The following CADPS2 variants were observed in gnomAD, a reference collection of about 807,000 sequenced individuals.
CADPS2 encodes calcium dependent secretion activator 2.
In CADPS2, 93 loss-of-function variants were observed where a neutral mutation model predicts 172.5. The ratio of observed to expected loss-of-function variants is 0.54; its 90% CI spans 0.46 to 0.64. The LOEUF (loss-of-function observed/expected upper bound fraction) is 0.64. CADPS2 is among the 30% of genes least tolerant of loss of function. The pLI is 0.00. For synonymous variants in CADPS2, 546 were observed against 555.2 expected (o/e 0.98, Z 0.23); for missense variants, 1,420 against 1,565.9 (o/e 0.91, Z 1.57).
At chr7:122,731,170 A>C (rs1475601369) in intron 2 of CADPS2, among the ~76,000 whole-genome samples, 1 of 151,732 alleles carries the variant, frequency 6.6e-6, no homozygotes, top group East Asian at 1.9e-4. Context: ...CCAAAGTAGA[A>C]CATAAACAAA....
At chr7:122,762,258 G>C (rs2093413840) in intron 1 of CADPS2, among the ~76,000 whole-genome samples, 1 of 151,970 alleles carries the variant, frequency 6.6e-6, no homozygotes, top group Admixed American at 6.6e-5. Flanking sequence ...CAGAGAACAA[G>C]CTGGGCGGCA....
At chr7:122,630,631 G>T (rs946164793) in intron 3 of CADPS2, among the ~76,000 whole-genome samples, 1 of 152,134 alleles carries the variant, frequency 6.6e-6, no homozygotes, top group Non-Finnish European at 1.5e-5. Flanking sequence ...GATATGATCA[G>T]ATGTAAGCTT....
intron 1 of CADPS2, among the ~76,000 whole-genome samples, chr7:122,805,295 G>A (rs1189978411): frequency 6.6e-6 from 1 of 152,130 alleles, no homozygotes; most frequent in Non-Finnish European, 1.5e-5. Flanking sequence ...TAGTAGCTGG[G>A]ACTACAGGCA....
At chr7:122,674,598 T>C (rs2082213718) in intron 2 of CADPS2, among the ~76,000 whole-genome samples, 1 of 152,266 alleles carries the variant, frequency 6.6e-6, no homozygotes, top group African/African-American at 2.4e-5. Flanking sequence ...GTAAGTCTGC[T>C]CAGCTGTCTA....
intron 14 of CADPS2, among the ~76,000 whole-genome samples, chr7:122,468,423 T>C (rs994459858): frequency 2.6e-5 from 4 of 152,194 alleles, no homozygotes; most frequent in African/African-American, 9.6e-5. Context: ...AATATTCCAT[T>C]AACAAAGAAA....
At position 122,693,261 on chromosome 7, in the gene CADPS2, T is replaced by C. The variant is rs370413712; in HGVS notation, c.454-29692A>G. ...TTCCATTTCAAATATCATTTCCTTC[T>C]TTAAGTGTTCCCTAATTATCACTCC... On this transcript the variant is annotated intron_variant, in intron 2 of 29. Coordinates refer to ENST00000449022, the MANE Select transcript of CADPS2 (RefSeq NM_017954.11). Among the ~76,000 whole-genome samples, 252 of 152,348 alleles carry C rather than the reference T, an allele frequency of 1.7e-3. 1 individual carries two copies. The highest frequency in any genetic ancestry group is 2.6e-3 in the Non-Finnish European group (175 of 68,024).
At chr7:122,631,719 AG>A (rs2076593703) in intron 3 of CADPS2, among the ~76,000 whole-genome samples, 1 of 150,768 alleles carries the variant, frequency 6.6e-6, no homozygotes, top group South Asian at 2.1e-4. Flanking sequence ...TCAGATTTGG[AG>A]GGGGTACAGT....
At chr7:122,854,219 G>A (rs1338650003) in intron 1 of CADPS2, among the ~76,000 whole-genome samples, 1 of 152,046 alleles carries the variant, frequency 6.6e-6, no homozygotes, top group Non-Finnish European at 1.5e-5. Context: ...AATTGGCCAA[G>A]AGTGGTGGGT....
intron 1 of CADPS2, among the ~76,000 whole-genome samples, chr7:122,871,815 C>G (rs34824430): frequency 0.21 from 31,565 of 151,978 alleles, 3,510 homozygotes; most frequent in Middle Eastern, 0.28. Context: ...CATGGACCAT[C>G]CTAGTTTTCT....
chr7:122,842,992 A>C (rs1183494561), intron 1 of CADPS2, among the ~76,000 whole-genome samples: 1 of 152,240 alleles, frequency 6.6e-6, no homozygotes, highest in Non-Finnish European at 1.5e-5. Context: ...TGAGGGCAGA[A>C]ATCAAAACAA....
rs2092611524 is a variant in CADPS2 at position 122,743,990 on chromosome 7, C to T, written c.340-6922G>A. Reference sequence around the variant, plus strand: ...AAACTTTCCTGTCCTCTTCCATAAGCACAGATATTTGGGACAGTGAATAAA... The same window carrying T: ...AAACTTTCCTGTCCTCTTCCATAAGTACAGATATTTGGGACAGTGAATAAA... On this transcript the variant is annotated intron_variant, in intron 1 of 29. Transcript: ENST00000449022. Among the ~76,000 whole-genome samples, 7 of 152,180 alleles carry T rather than the reference C, an allele frequency of 4.6e-5. No individual in the cohort carries two copies. The South Asian group carries it at 1.4e-3, about 31-fold the overall frequency.
intron 1 of CADPS2, among the ~76,000 whole-genome samples, chr7:122,792,767 A>G (rs1255353186): frequency 1.3e-5 from 2 of 152,190 alleles, no homozygotes; most frequent in African/African-American, 2.4e-5. Context: ...CAGTGAACAA[A>G]GAAAGGTACA....
At position 122,399,660 on chromosome 7, in the gene CADPS2, C is replaced by CTTTTTTTT. The variant is rs1008163151; in HGVS notation, c.2747-6086_2747-6079dup. Among the ~76,000 whole-genome samples, 70 of 51,226 alleles carry CTTTTTTTT rather than the reference C, an allele frequency of 1.4e-3. 13 individuals are homozygous for CTTTTTTTT. The highest frequency in any genetic ancestry group is 1.9e-3 in the Non-Finnish European group (52 of 27,066). 33.6% of individuals were successfully genotyped at this position (51,226 alleles called of 152,430 possible). ...CGATAACTCTCTCAAGGGTGGGTTTCTTTTTTTTTTTTTTTTTTTTTTTTT... is the reference window on the plus strand; with the variant it reads ...CGATAACTCTCTCAAGGGTGGGTTTCTTTTTTTTTTTTTTTTTTTTTTTTTTTTTTTTT... On this transcript the variant is annotated intron_variant, in intron 20 of 29. Coordinates refer to ENST00000449022, the MANE Select transcript of CADPS2 (RefSeq NM_017954.11).
At chr7:122,808,731 C>G (rs1476918608) in intron 1 of CADPS2, among the ~76,000 whole-genome samples, 1 of 152,132 alleles carries the variant, frequency 6.6e-6, no homozygotes, top group Non-Finnish European at 1.5e-5. Flanking sequence ...TCAATACAAC[C>G]AAGATATTGA....
At chr7:122,737,495 G>C (rs865815450) in intron 1 of CADPS2, among the ~76,000 whole-genome samples, 1 of 152,206 alleles carries the variant, frequency 6.6e-6, no homozygotes, top group Non-Finnish European at 1.5e-5. Flanking sequence ...ACAGGCATGA[G>C]CCACTGCACC....
chr7:122,738,473 T>C (rs1356745046), intron 1 of CADPS2, among the ~76,000 whole-genome samples: 2 of 150,906 alleles, frequency 1.3e-5, no homozygotes, highest in Admixed American at 1.3e-4. Context: ...AATTCCAAAA[T>C]ACATAAGAAA....
intron 9 of CADPS2, among the ~76,000 whole-genome samples, chr7:122,511,132 T>C (rs532112781): frequency 6.6e-6 from 1 of 152,252 alleles, no homozygotes; most frequent in Admixed American, 6.6e-5. Flanking sequence ...AACATATGGG[T>C]TTGCCTACTT....
chr7:122,701,837 G>C, intron 2 of CADPS2: 1 of 1,576,598 alleles, frequency 6.3e-7, no homozygotes, highest in Non-Finnish European at 8.6e-7. Context: ...GATTTCTTAA[G>C]TTTTCAGGAT....
At chr7:122,530,231 A>G (rs1216669689) in intron 8 of CADPS2, among the ~76,000 whole-genome samples, 3 of 152,104 alleles carry the variant, frequency 2.0e-5, no homozygotes, top group Non-Finnish European at 4.4e-5. Flanking sequence ...AACTCTAAAA[A>G]GCACAAAATT....
Sources: allele counts gnomAD v4.1 joint callset (sites outside exome capture counted in the v4.1 genomes callset), GRCh38; gene constraint gnomAD v4.1.1; transcripts MANE v1.5; gene names NCBI Gene and HGNC (gene_info 2026-07-23, HGNC 2026-07-21).